The following WSCD2 variants were observed in gnomAD, a reference collection of about 807,000 sequenced individuals.
WSCD2 encodes the protein WSC domain sialate O sulfotransferase 2.
In WSCD2, 28 loss-of-function variants were observed where a neutral mutation model predicts 55.7. That is an observed-to-expected ratio of 0.50 (90% CI 0.37 to 0.69). The LOEUF (loss-of-function observed/expected upper bound fraction) is 0.69, where lower values mean the gene tolerates loss of function less well. WSCD2 is among the 30% of genes least tolerant of loss of function. The pLI is 0.00. For missense variants in WSCD2, 616 were observed against 762.1 expected, an observed-to-expected ratio of 0.81 and a Z score of 2.26; for synonymous variants, 301 against 301.9, an observed-to-expected ratio of 1.00 and a Z score of 0.03.
chr12:108,134,060 C>T (rs1008156236), intron 1 of WSCD2, among the ~76,000 whole-genome samples: 15 of 152,152 alleles, frequency 9.9e-5, no homozygotes, highest in Non-Finnish European at 1.6e-4. Context: ...TGGTTCCCCA[C>T]GGACTGCAAG....
At chr12:108,161,350 G>A (rs1879033252) in intron 1 of WSCD2, among the ~76,000 whole-genome samples, 1 of 152,160 alleles carries the variant, frequency 6.6e-6, no homozygotes, top group East Asian at 1.9e-4. Context: ...GTTAAATTAG[G>A]ATGAAGTCAT....
At chr12:108,226,625 T>C (rs4492863) in intron 5 of WSCD2, among the ~76,000 whole-genome samples, 33,112 of 152,096 alleles carry the variant, frequency 0.22, 3,812 homozygotes, top group African/African-American at 0.29. Context: ...CCAGAGTGCC[T>C]AGGTAGAATT....
intron 8 of WSCD2, among the ~76,000 whole-genome samples, chr12:108,240,779 T>C (rs1402611419): frequency 6.6e-6 from 1 of 152,194 alleles, no homozygotes; most frequent in Non-Finnish European, 1.5e-5. Flanking sequence ...GCCGGGCTGC[T>C]GCATCGCACA....
chr12:108,249,045 C>A lies in WSCD2; in HGVS notation c.*702C>A. 2.2e-6 allele frequency: 1 copy of A among 444,512 alleles called. No homozygotes were observed. Among genetic ancestry groups the A allele is most frequent in the Non-Finnish European group, 3.0e-6 (1 of 335,104 alleles). The allele number at this position is 444,512 out of a possible 1,614,324, so 27.5% of individuals were successfully genotyped here. On this transcript the variant is annotated 3_prime_UTR_variant, in exon 9 of 9. Transcript: ENST00000547525. ...TGCCTTTCCACCTCCAGGGCATGAA[C>A]CCTGCCCCTTTCTATCCATGCTGTG...
intron 1 of WSCD2, among the ~76,000 whole-genome samples, chr12:108,190,206 C>T (rs1882987792): frequency 6.6e-6 from 1 of 152,192 alleles, no homozygotes; most frequent in South Asian, 2.1e-4. Context: ...GCTCAACAAA[C>T]ACCAGTGACT....
At chr12:108,238,906 T>C (rs1206528522) in intron 7 of WSCD2, among the ~76,000 whole-genome samples, 7 of 152,234 alleles carry the variant, frequency 4.6e-5, no homozygotes, top group Admixed American at 3.3e-4. Context: ...GGGCGAGTTA[T>C]TGGACATCTC....
chr12:108,232,775 C>T lies in WSCD2; in HGVS notation c.1024C>T (p.Gln342Ter), dbSNP rs770853669. The change falls in exon 7 of 9, where the codon CAG becomes TAG. Residue 342 changes from glutamine (Q) to a stop codon, truncating the protein, a stop_gained. Coordinates refer to ENST00000547525, the MANE Select transcript of WSCD2 (RefSeq NM_014653.4). LOFTEE classifies it high-confidence loss of function. The part of the protein sequence containing the change: ...DRRFLPGKSK[Q>*]LIALASFPGA... ...AAGGTTCCTGCCAGGCAAGTCCAAG[C>T]AGCTCATTGCTTTGGCCAGCTTCCC... is the stretch of plus-strand genomic sequence containing the variant. 1 of 1,613,980 alleles carries T rather than the reference C, an allele frequency of 6.2e-7. No homozygotes were observed.
At chr12:108,198,344 T>C (rs1884219041) in intron 2 of WSCD2, among the ~76,000 whole-genome samples, 1 of 152,220 alleles carries the variant, frequency 6.6e-6, no homozygotes, top group Non-Finnish European at 1.5e-5. Flanking sequence ...TACCTCTACA[T>C]CGTTAGCTCT....
At chr12:108,166,744 CCTTCTTTCTTTCTTTCT>C (rs1020572671) in intron 1 of WSCD2, among the ~76,000 whole-genome samples, 18 of 53,980 alleles carry the variant, frequency 3.3e-4, no homozygotes, top group Non-Finnish European at 6.8e-4. Context: ...TTCTTTCTTT[CCTTCTTTCTTTCTTTCT>C]TTTCTTTCTT....
chr12:108,196,521 A>T (rs549895961), intron 2 of WSCD2: 23 of 303,350 alleles, frequency 7.6e-5, no homozygotes, highest in African/African-American at 4.9e-4. Context: ...TTAAATATAC[A>T]TGAAAATAAA....
At position 108,248,010 on chromosome 12, in the gene WSCD2, G is replaced by T. The variant is rs748710365; in HGVS notation, c.1365G>T (p.Arg455Ser). 2.5e-6 allele frequency: 4 copies of T among 1,613,374 alleles called. No homozygotes were observed. The highest frequency in any genetic ancestry group is 1.1e-5 in the South Asian group (1 of 91,036). ...WKGKEWPEFVRNYAPWWATHT... is the reference protein window; with the variant it reads ...WKGKEWPEFVSNYAPWWATHT... ...CTGCAGAGTGGCCAGAGTTCGTGAG[G>T]AACTATGCCCCGTGGTGGGCCACTC... Residue 455 changes from arginine (R) to serine (S), a missense_variant, in exon 9 of 9, where the codon AGG becomes AGT. By Grantham distance (110) the Arg-to-Ser change is moderately radical. Transcript: ENST00000547525. The surrounding 1 kb of genome is among the most constrained non-coding windows in gnomAD (Gnocchi z 4.3).
intron 1 of WSCD2, among the ~76,000 whole-genome samples, chr12:108,162,929 C>T (rs1048436502): frequency 2.0e-5 from 3 of 152,180 alleles, no homozygotes; most frequent in Non-Finnish European, 2.9e-5. Context: ...GTGCCAGCCT[C>T]TGTGTTAACT....
chr12:108,205,207 C>T (rs1277116906), intron 2 of WSCD2, among the ~76,000 whole-genome samples: 1 of 152,196 alleles, frequency 6.6e-6, no homozygotes, highest in Non-Finnish European at 1.5e-5. Flanking sequence ...GTTCAGAGCA[C>T]AGGCTCTGAA....
intron 1 of WSCD2, among the ~76,000 whole-genome samples, chr12:108,159,841 CT>C (rs1405844169): frequency 6.6e-6 from 1 of 152,180 alleles, no homozygotes; most frequent in Non-Finnish European, 1.5e-5. Context: ...TCAGCGTTGG[CT>C]TTTCTCCTAT....
intron 1 of WSCD2, among the ~76,000 whole-genome samples, chr12:108,191,677 C>T (rs1169272588): frequency 1.3e-5 from 2 of 152,294 alleles, no homozygotes; most frequent in East Asian, 1.9e-4. Flanking sequence ...TCTTGGGACC[C>T]TCCTATGTAT....
chr12:108,192,828 C>T (rs1883355288), intron 1 of WSCD2, among the ~76,000 whole-genome samples: 1 of 152,176 alleles, frequency 6.6e-6, no homozygotes, highest in Non-Finnish European at 1.5e-5. Context: ...CAGGCAGTTG[C>T]AGACCCTCAC....
chr12:108,182,432 A>T (rs951230362), intron 1 of WSCD2, among the ~76,000 whole-genome samples: 3 of 152,250 alleles, frequency 2.0e-5, no homozygotes, highest in Non-Finnish European at 2.9e-5. Context: ...GCCCACCAAC[A>T]TTGAAACTAA....
At chr12:108,133,530 G>T (rs1875842811) in intron 1 of WSCD2, among the ~76,000 whole-genome samples, 1 of 152,144 alleles carries the variant, frequency 6.6e-6, no homozygotes, top group South Asian at 2.1e-4. Flanking sequence ...GTGGAGGGGT[G>T]TGAACATACC....
intron 7 of WSCD2, 118 bp from the exon 8 acceptor site, chr12:108,240,226 C>G (rs1178901636): frequency 1.6e-6 from 2 of 1,283,852 alleles, no homozygotes; most frequent in African/African-American, 2.9e-5. Flanking sequence ...TCAATAAATA[C>G]GCGAATGACT....
Sources: allele counts gnomAD v4.1 joint callset (sites outside exome capture counted in the v4.1 genomes callset), GRCh38; gene constraint gnomAD v4.1.1; non-coding constraint Gnocchi (gnomAD v3.1); transcripts MANE v1.5; gene names NCBI Gene and HGNC (gene_info 2026-07-23, HGNC 2026-07-21).